Variants in ALDOA observed in about 807,000 individuals in gnomAD.
ALDOA encodes aldolase, fructose-bisphosphate A.
ALDOA carries 26 observed loss-of-function variants against 43.9 expected under a neutral mutation model. That is an observed-to-expected ratio of 0.59 (90% confidence interval 0.43 to 0.82). The LOEUF (loss-of-function observed/expected upper bound fraction) is 0.82. Among genes scored for constraint, ALDOA ranks in the 40% least tolerant of loss-of-function variants. The pLI is 0.00. For synonymous variants in ALDOA, 258 were observed against 222.6 expected, an observed-to-expected ratio of 1.16 and a Z score of -1.42; for missense variants, 498 against 549.5, an observed-to-expected ratio of 0.91 and a Z score of 0.94.
At chr16:30,067,755 C>T (rs2072173874) in intron 4 of ALDOA, 94 bp downstream of exon 4, 2 of 1,457,578 alleles carry the variant, frequency 1.4e-6, no homozygotes, top group Admixed American at 1.7e-5. Flanking sequence ...GGATTGGTGG[C>T]CTAGAGACTT....
chr16:30,067,112 C>T, intron 2 of ALDOA, 74 bp downstream of exon 2: 3 of 1,572,058 alleles, frequency 1.9e-6, no homozygotes, highest in Non-Finnish European at 2.6e-6. Flanking sequence ...CCAGGGCCTG[C>T]TGGGTGTGGG....
chr16:30,067,333 G>C lies in ALDOA; in HGVS notation c.241G>C (p.Gly81Arg), dbSNP rs1252247083. ...CATCGCTCACCGCATCGTGGCACCT[G>C]GCAAGGGCATCCTGGCTGCAGATGA... is the stretch of plus-strand genomic sequence containing the variant. ...SDIAHRIVAP[G>R]KGILAADEST... The change falls in exon 3 of 10, where the codon GGC becomes CGC. Residue 81 changes from glycine to arginine, a missense_variant. Transcript: ENST00000642816. 2 of 1,613,680 alleles carry C rather than the reference G, an allele frequency of 1.2e-6. No homozygotes were observed. Among genetic ancestry groups the C allele is most frequent in the Non-Finnish European group, 1.7e-6 (2 of 1,180,044 alleles).
chr16:30,067,593 C>T lies in ALDOA; in HGVS notation c.418C>T (p.Gln140Ter). ...CATCCTCTTCCATGAGACACTCTAC[C>T]AGAAGGCGGATGATGGGCGTCCCTT... is the stretch of plus-strand genomic sequence containing the variant. ...GVILFHETLY[Q>*]KADDGRPFPQ... Residue 140 changes from glutamine (Q) to a stop codon, truncating the protein, a stop_gained, in exon 4 of 10, where the codon CAG (glutamine) becomes TAG (stop). Coordinates refer to ENST00000642816, the MANE Select transcript of ALDOA (RefSeq NM_001243177.4). LOFTEE classifies it high-confidence loss of function. The T allele has an allele frequency of 6.2e-7, 1 of 1,614,088 alleles. No individual in the cohort carries two copies. The highest frequency in any genetic ancestry group is 8.5e-7 in the Non-Finnish European group (1 of 1,180,030).
rs369593749 is a variant in ALDOA at position 30,067,303 on chromosome 16, T to C, written c.211T>C (p.Ser71Pro). The stretch of plus-strand genomic sequence containing the variant: ...GACCCCGGAGCAGAAGAAGGAGCTG[T>C]CTGACATCGCTCACCGCATCGTGGC... ...ALTPEQKKEL[S>P]DIAHRIVAPG... The change falls in exon 3 of 10, where the codon TCT becomes CCT. Residue 71 changes from serine (S) to proline (P), a missense_variant. Transcript: ENST00000642816. The C allele has an allele frequency of 3.7e-6, 6 of 1,612,988 alleles. No individual in the cohort carries two copies. Among genetic ancestry groups the C allele is most frequent in the Non-Finnish European group, 5.1e-6 (6 of 1,180,004 alleles).
intron 6 of ALDOA, 47 bp from the exon 7 acceptor site, chr16:30,069,259 A>G: frequency 6.3e-7 from 1 of 1,592,446 alleles, no homozygotes; most frequent in Non-Finnish European, 8.6e-7. Context: ...TGTAGGTGGG[A>G]CTCTGGGTTA....
At chr16:30,066,119 T>C (rs1596806461) in intron 1 of ALDOA, 192 bp downstream of exon 1, 1 of 152,650 alleles carries the variant, frequency 6.6e-6, no homozygotes, top group Non-Finnish European at 1.5e-5. Flanking sequence ...CTGCGCGCGC[T>C]GAGTCATGGC....
chr16:30,068,951 G>T lies in ALDOA; in HGVS notation c.675G>T (p.Leu225=). ...CCATCATGGAAAATGCCAATGTTCT[G>T]GCCCGTTATGCCAGTATCTGCCAGC... ...ALAIMENANV[L]ARYASICQQN... is the part of the protein sequence containing the mutation. The change falls in exon 6 of 10, where the codon CTG becomes CTT. Residue 225 remains leucine (L), a synonymous_variant. Transcript: ENST00000642816. 1 of 1,614,220 alleles carries T rather than the reference G, an allele frequency of 6.2e-7. No individual in the cohort carries two copies. Among genetic ancestry groups the T allele is most frequent in the Non-Finnish European group, 8.5e-7 (1 of 1,180,040 alleles).
chr16:30,069,657 G>A lies in ALDOA; in HGVS notation c.945G>A (p.Val315=). ...MATVTALRRT[V]PPAVTGITFL... ...CCGTCACAGCGCTGCGCCGCACAGT[G>A]CCCCCCGCTGTCACTGGTGAGGCCC... Residue 315 remains valine (V), a synonymous_variant, in exon 8 of 10, where the codon GTG becomes GTA. Transcript: ENST00000642816. The A allele has an allele frequency of 6.2e-7, 1 of 1,613,570 alleles. No homozygotes were observed. Among genetic ancestry groups the A allele is most frequent in the Non-Finnish European group, 8.5e-7 (1 of 1,180,008 alleles).
Position 30,067,487 on chromosome 16 carries a change from G to A in ALDOA, c.312G>A (p.Glu104=), listed in dbSNP as rs779556052. 23 of 1,613,320 alleles carry A rather than the reference G, an allele frequency of 1.4e-5. No homozygotes were observed. In the East Asian group the frequency reaches 5.1e-4, roughly 36 times the overall value. The change falls in exon 4 of 10, where the codon GAG becomes GAA. Residue 104 remains glutamate (E), a synonymous_variant. Coordinates refer to ENST00000642816, the MANE Select transcript of ALDOA (RefSeq NM_001243177.4). ...IAKRLQSIGT[E]NTEENRRFYR... is the part of the protein sequence containing the mutation. ...AGCGGCTGCAGTCCATTGGCACCGA[G>A]AACACCGAGGAGAACCGGCGCTTCT... is the stretch of plus-strand genomic sequence containing the variant.
Position 30,069,347 on chromosome 16 carries a change from T to A in ALDOA, c.744T>A (p.Asp248Glu). The change falls in exon 7 of 10, where the codon GAT becomes GAA. Residue 248 changes from aspartate (D) to glutamate (E), a missense_variant. Physicochemically the swap from Asp to Glu is conservative, Grantham distance 45. Transcript: ENST00000642816. ...VPIVEPEILP[D>E]GDHDLKRCQY... ...TCGTGGAGCCTGAGATCCTCCCTGA[T>A]GGGGACCATGACTTGAAGCGCTGCC... 6.2e-7 allele frequency: 1 copy of A among 1,614,194 alleles called. No individual in the cohort carries two copies. Among genetic ancestry groups the A allele is most frequent in the South Asian group, 1.1e-5 (1 of 91,084 alleles).
rs1024113434 is a variant in ALDOA at position 30,067,104 on chromosome 16, A to G, written c.141+66A>G. 29 of 1,570,560 alleles carry G rather than the reference A, an allele frequency of 1.8e-5. No individual in the cohort carries two copies. In the Admixed American group the frequency reaches 2.3e-4, roughly 12 times the overall value. ...GAGAGCTGGGGACCAGAAGTGCCCC[A>G]GGGCCTGCTGGGTGTGGGGCAGGGG... On this transcript the variant is annotated intron_variant, in intron 2 of 9. Transcript: ENST00000642816.
At position 30,068,861 on chromosome 16, in the gene ALDOA, C is replaced by T. The variant is rs150741747; in HGVS notation, c.585C>T (p.Asp195=). 32 of 1,614,230 alleles carry T rather than the reference C, an allele frequency of 2.0e-5. No homozygotes were observed. Among genetic ancestry groups the T allele is most frequent in the Admixed American group, 1.3e-4 (8 of 60,026 alleles). Residue 195 remains aspartate, a synonymous_variant, in exon 6 of 10, where the codon GAC becomes GAT. Coordinates refer to ENST00000642816, the MANE Select transcript of ALDOA (RefSeq NM_001243177.4). ...LSERCAQYKK[D]GADFAKWRCV... ...AGCGCTGTGCCCAGTACAAGAAGGA[C>T]GGAGCTGACTTCGCCAAGTGGCGTT... is the stretch of plus-strand genomic sequence containing the variant.
At position 30,069,817 on chromosome 16, in the gene ALDOA, C is replaced by A; in HGVS notation, c.962-13C>A. 1 of 1,614,096 alleles carries A rather than the reference C, an allele frequency of 6.2e-7. No individual in the cohort carries two copies. Among genetic ancestry groups the A allele is most frequent in the South Asian group, 1.1e-5 (1 of 91,080 alleles). On this transcript the variant is annotated splice_polypyrimidine_tract_variant and intron_variant, in intron 8 of 9. Transcript: ENST00000642816. ...CTGACCACAGCCCCTCTCGCCTCAC[C>A]CCTGCTCTACAGGGATCACCTTCCT... is the stretch of plus-strand genomic sequence containing the variant.
At chr16:30,064,457 C>G (rs1596802657), upstream of ALDOA, 23 of 398,686 alleles carry the variant, frequency 5.8e-5, no homozygotes, top group East Asian at 7.8e-4. Flanking sequence ...TCTTGACAAC[C>G]AAGGGCCTCC....
chr16:30,069,849 A>G lies in ALDOA; in HGVS notation c.981A>G (p.Gly327=). The change falls in exon 9 of 10, where the codon GGA becomes GGG. Residue 327 remains glycine, a synonymous_variant. Transcript: ENST00000642816. The part of the protein sequence containing the change: ...PAVTGITFLS[G]GQSEEEASIN... ...CTACAGGGATCACCTTCCTGTCTGG[A>G]GGCCAGAGTGAGGAGGAGGCGTCCA... is the stretch of plus-strand genomic sequence containing the variant. The G allele has an allele frequency of 6.2e-7, 1 of 1,614,078 alleles. No homozygotes were observed. The highest frequency in any genetic ancestry group is 8.5e-7 in the Non-Finnish European group (1 of 1,180,010).
intron 6 of ALDOA, 141 bp from the exon 7 acceptor site, chr16:30,069,165 T>G: frequency 7.5e-7 from 1 of 1,326,862 alleles, no homozygotes. Context: ...CTGAGGCGGC[T>G]CTTGTCTCCT....
At position 30,068,808 on chromosome 16, in the gene ALDOA, C is replaced by G; in HGVS notation, c.542-10C>G. On this transcript the variant is annotated splice_polypyrimidine_tract_variant and intron_variant, in intron 5 of 9. Coordinates refer to ENST00000642816, the MANE Select transcript of ALDOA (RefSeq NM_001243177.4). ...CCCCACCGTGCTCTGACCCCTTCCT[C>G]TTCTCTTAGGGTTGGATGGGCTGTC... The G allele has an allele frequency of 6.2e-7, 1 of 1,614,216 alleles. No individual in the cohort carries two copies. Among genetic ancestry groups the G allele is most frequent in the Non-Finnish European group, 8.5e-7 (1 of 1,180,036 alleles).
rs1198234402 is a variant in ALDOA at position 30,070,351 on chromosome 16, CTG to C, written c.*142_*143del. 1.3e-6 allele frequency: 1 copy of C among 764,786 alleles called. No homozygotes were observed. Among genetic ancestry groups the C allele is most frequent in the Non-Finnish European group, 2.2e-6 (1 of 444,702 alleles). 47.4% of individuals were successfully genotyped at this position (764,786 alleles called of 1,614,324 possible). On this transcript the variant is annotated 3_prime_UTR_variant, in exon 10 of 10. Coordinates refer to ENST00000642816, the MANE Select transcript of ALDOA (RefSeq NM_001243177.4). The stretch of plus-strand genomic sequence containing the variant: ...TCGTGACAGTGGTGTGTGGTGTCGT[CTG>C]TGAATGCTAAGTCCATCACCCTTTC...
intron 6 of ALDOA, 22 bp from the exon 7 acceptor site, chr16:30,069,284 G>T: frequency 6.2e-7 from 1 of 1,613,892 alleles, no homozygotes; most frequent in South Asian, 1.1e-5. Context: ...GCCTCACAGT[G>T]ACCCTGTCCC....
Sources: allele counts gnomAD v4.1 joint callset, GRCh38; gene constraint gnomAD v4.1.1; transcripts MANE v1.5; gene names NCBI Gene and HGNC (gene_info 2026-07-23, HGNC 2026-07-21).